The following CNTNAP4 variants were observed in gnomAD, a reference collection of about 807,000 sequenced individuals.
CNTNAP4 encodes contactin-associated protein-like 4.
Under a neutral mutation model 148.4 loss-of-function variants are expected in CNTNAP4, and 98 were observed. The observed-to-expected ratio is 0.66, with a 90% CI of 0.56 to 0.78. The LOEUF (loss-of-function observed/expected upper bound fraction) is 0.78, where lower values mean the gene tolerates loss of function less well. Ranked by LOEUF, CNTNAP4 falls within the 30% of genes least tolerant of loss-of-function variation. The pLI is 0.00. For synonymous variants in CNTNAP4, 730 were observed against 565.1 expected, an observed-to-expected ratio of 1.29 and a Z score of -4.14; for missense variants, 1,935 against 1,565.6, an observed-to-expected ratio of 1.24 and a Z score of -3.98.
rs528309892 is a variant in CNTNAP4 at position 76,427,505 on chromosome 16, T to C, written c.444T>C (p.Pro148=). Residue 148 remains proline, a synonymous_variant, in exon 4 of 24, where the codon CCT becomes CCC. Coordinates refer to ENST00000611870, the MANE Select transcript of CNTNAP4 (RefSeq NM_033401.5). ...GTGTTGTGTACTATAGACTCCAGCC[T>C]TCTATCAAAGCCAGATTTCTGCGCT... ...ADSVVYYRLQ[P]SIKARFLRFI... is the part of the protein sequence containing the mutation. 7.4e-6 allele frequency: 12 copies of C among 1,613,350 alleles called. No individual in the cohort carries two copies. The African/African-American group carries it at 1.5e-4, about 20-fold the overall frequency.
At chr16:76,386,812 C>G (rs2016554435) in intron 3 of CNTNAP4, among the ~76,000 whole-genome samples, 1 of 152,090 alleles carries the variant, frequency 6.6e-6, no homozygotes. Context: ...TAAGATTACC[C>G]TGGATTACAC....
intron 9 of CNTNAP4, among the ~76,000 whole-genome samples, chr16:76,464,979 G>A (rs1214082495): frequency 6.6e-6 from 1 of 152,146 alleles, no homozygotes; most frequent in Non-Finnish European, 1.5e-5. Context: ...CTTTTGCAAT[G>A]CCTAACACAA....
At chr16:76,335,098 A>G (rs907227748) in intron 2 of CNTNAP4, among the ~76,000 whole-genome samples, 11 of 151,962 alleles carry the variant, frequency 7.2e-5, no homozygotes, top group African/African-American at 2.4e-4. Context: ...TCACAGGGGA[A>G]TGGGGTGGGG....
chr16:76,496,288 T>C (rs950222977), intron 14 of CNTNAP4, among the ~76,000 whole-genome samples: 2 of 152,064 alleles, frequency 1.3e-5, no homozygotes, highest in Non-Finnish European at 2.9e-5. Context: ...AAAATGTTCA[T>C]AAAATGCTAG....
intron 17 of CNTNAP4, among the ~76,000 whole-genome samples, chr16:76,526,041 G>A (rs933221711): frequency 2.0e-5 from 3 of 151,974 alleles, no homozygotes; most frequent in Admixed American, 6.6e-5. Flanking sequence ...ATACCATAAA[G>A]TAAAAAGGGT....
intron 17 of CNTNAP4, among the ~76,000 whole-genome samples, chr16:76,535,190 T>A (rs1333151953): frequency 6.6e-6 from 1 of 152,158 alleles, no homozygotes; most frequent in African/African-American, 2.4e-5. Context: ...AAACCACACT[T>A]ACCCAGCAAT....
At chr16:76,346,162 A>G (rs1210484802) in intron 2 of CNTNAP4, among the ~76,000 whole-genome samples, 1 of 152,192 alleles carries the variant, frequency 6.6e-6, no homozygotes, top group Non-Finnish European at 1.5e-5. Context: ...AACAAATCTC[A>G]TGAATTGGGA....
chr16:76,341,027 G>A (rs1035884976), intron 2 of CNTNAP4, among the ~76,000 whole-genome samples: 4 of 152,000 alleles, frequency 2.6e-5, no homozygotes, highest in African/African-American at 4.8e-5. Context: ...CAACTATTTC[G>A]GACAAATTGA....
At chr16:76,390,937 A>G (rs949556530) in intron 3 of CNTNAP4, among the ~76,000 whole-genome samples, 1 of 152,094 alleles carries the variant, frequency 6.6e-6, no homozygotes, top group African/African-American at 2.4e-5. Flanking sequence ...TGATATGGGC[A>G]TGCAATGGGA....
chr16:76,313,418 T>C (rs1338172592), intron 1 of CNTNAP4, among the ~76,000 whole-genome samples: 1 of 152,214 alleles, frequency 6.6e-6, no homozygotes, highest in Non-Finnish European at 1.5e-5. Flanking sequence ...ATGCACTCTC[T>C]TGTGTGTGTA....
At chr16:76,422,062 T>C (rs1006318110) in intron 3 of CNTNAP4, among the ~76,000 whole-genome samples, 2 of 152,212 alleles carry the variant, frequency 1.3e-5, no homozygotes, top group African/African-American at 4.8e-5. Context: ...TCATAAACTT[T>C]AGAATCACTT....
At chr16:76,429,685 T>C (rs2079544083) in intron 4 of CNTNAP4, among the ~76,000 whole-genome samples, 2 of 152,204 alleles carry the variant, frequency 1.3e-5, no homozygotes, top group South Asian at 4.1e-4. Flanking sequence ...ACAGGTTCTT[T>C]TGAGTTATCT....
chr16:76,476,014 C>A lies in CNTNAP4; in HGVS notation c.1731C>A (p.Asn577Lys). ...SWSTFHCNCT[N>K]TGYRGATCHN... ...GCACCTTTCATTGTAACTGTACCAA[C>A]ACTGGTTACAGAGGAGCTACTTGCC... is the stretch of plus-strand genomic sequence containing the variant. Residue 577 changes from asparagine (N) to lysine (K), a missense_variant, in exon 11 of 24, where the codon AAC (asparagine) becomes AAA (lysine). Physicochemically the swap from Asn to Lys is moderately conservative, Grantham distance 94. Coordinates refer to ENST00000611870, the MANE Select transcript of CNTNAP4 (RefSeq NM_033401.5). 1 of 1,613,306 alleles carries A rather than the reference C, an allele frequency of 6.2e-7. No individual in the cohort carries two copies. Among genetic ancestry groups the A allele is most frequent in the Admixed American group, 1.7e-5 (1 of 60,020 alleles).
intron 1 of CNTNAP4, among the ~76,000 whole-genome samples, chr16:76,314,462 CATATGT>C (rs1961487605): frequency 6.6e-6 from 1 of 152,140 alleles, no homozygotes. Flanking sequence ...TGTATACACA[CATATGT>C]ATAGGATTAG....
At chr16:76,548,295 C>CTTTTTTTTTTTTTTTT (rs66981960) in intron 21 of CNTNAP4, among the ~76,000 whole-genome samples, 3 of 92,898 alleles carry the variant, frequency 3.2e-5, no homozygotes, top group Non-Finnish European at 6.2e-5. Context: ...TTCACTGCAC[C>CTTTTTTTTTTTTTTTT]TTTTTTTTTT....
chr16:76,425,461 CAAT>C (rs2079353677), intron 3 of CNTNAP4, among the ~76,000 whole-genome samples: 1 of 152,142 alleles, frequency 6.6e-6, no homozygotes, highest in South Asian at 2.1e-4. Context: ...GGATGGAACA[CAAT>C]AAACCTCCCT....
chr16:76,433,349 T>C (rs1323051668), intron 4 of CNTNAP4, among the ~76,000 whole-genome samples: 3 of 152,200 alleles, frequency 2.0e-5, no homozygotes, highest in Non-Finnish European at 4.4e-5. Context: ...GTTAAACCAT[T>C]GTGTTTAATT....
chr16:76,490,842 T>C (rs2082192528), intron 13 of CNTNAP4, among the ~76,000 whole-genome samples: 2 of 152,152 alleles, frequency 1.3e-5, no homozygotes, highest in South Asian at 4.1e-4. Flanking sequence ...GAGGTGTATT[T>C]TTCTTTACAT....
At chr16:76,358,197 A>G (rs907543939) in intron 3 of CNTNAP4, among the ~76,000 whole-genome samples, 7 of 152,126 alleles carry the variant, frequency 4.6e-5, no homozygotes, top group Non-Finnish European at 5.9e-5. Context: ...TTAGCTGGGC[A>G]TGGTGACATG....
Sources: gnomAD v4.1 joint callset for allele counts (sites outside exome capture counted in the v4.1 genomes callset) on GRCh38, gnomAD v4.1.1 for gene constraint, MANE v1.5 for transcripts, NCBI Gene and HGNC (gene_info 2026-07-23, HGNC 2026-07-21) for gene names.